Variants in PTPRG observed in about 807,000 individuals in gnomAD.
The protein encoded by PTPRG is receptor-type tyrosine-protein phosphatase gamma.
In PTPRG, 102 loss-of-function variants were observed where a neutral mutation model predicts 165.3. The ratio of observed to expected loss-of-function variants is 0.62; its 90% CI spans 0.53 to 0.73. PTPRG has a LOEUF of 0.73. Ranked by LOEUF, PTPRG falls within the 30% of genes least tolerant of loss-of-function variation. The pLI is 0.00. For missense variants in PTPRG, 1,866 were observed against 1,861.4 expected (o/e 1.00, Z -0.05); for synonymous variants, 675 against 669.5 (o/e 1.01, Z -0.13).
intron 7 of PTPRG, among the ~76,000 whole-genome samples, chr3:62,167,136 G>A (rs1335305839): frequency 6.6e-6 from 1 of 152,238 alleles, no homozygotes; most frequent in African/African-American, 2.4e-5. Flanking sequence ...GGACTTAACT[G>A]TGTGCTAAGC....
intron 2 of PTPRG, among the ~76,000 whole-genome samples, chr3:61,842,297 G>A (rs1236853065): frequency 6.6e-6 from 1 of 152,182 alleles, no homozygotes; most frequent in Non-Finnish European, 1.5e-5. Context: ...CACTTGGAAA[G>A]CTGTAATTTC....
chr3:62,187,209 A>G (rs1336748076), intron 8 of PTPRG, among the ~76,000 whole-genome samples: 1 of 152,248 alleles, frequency 6.6e-6, no homozygotes, highest in Admixed American at 6.5e-5. Flanking sequence ...TCCACGTACT[A>G]GTAAGTGCTG....
intron 4 of PTPRG, among the ~76,000 whole-genome samples, chr3:62,060,021 G>A (rs545203301): frequency 6.6e-6 from 1 of 152,034 alleles, no homozygotes; most frequent in Admixed American, 6.6e-5. Context: ...TTTATTAGCA[G>A]CATGAAGACA....
At chr3:61,926,745 A>G (rs2039223714) in intron 2 of PTPRG, among the ~76,000 whole-genome samples, 1 of 151,900 alleles carries the variant, frequency 6.6e-6, no homozygotes, top group African/African-American at 2.4e-5. Flanking sequence ...GTTTGTAGTG[A>G]TATCTCAGAT....
intron 2 of PTPRG, among the ~76,000 whole-genome samples, chr3:61,863,275 G>A (rs989278732): frequency 1.3e-5 from 2 of 152,204 alleles, no homozygotes; most frequent in Admixed American, 6.5e-5. Flanking sequence ...AGGAGGATCA[G>A]TGTCATCTGC....
At chr3:62,017,474 G>A (rs2041573377) in intron 4 of PTPRG, among the ~76,000 whole-genome samples, 1 of 151,304 alleles carries the variant, frequency 6.6e-6, no homozygotes, top group African/African-American at 2.4e-5. Flanking sequence ...GGAGTGCAGT[G>A]GCGCTGTCTT....
intron 2 of PTPRG, among the ~76,000 whole-genome samples, chr3:61,774,420 T>C (rs1271859625): frequency 6.6e-6 from 1 of 152,198 alleles, no homozygotes; most frequent in East Asian, 1.9e-4. Context: ...GGCTGTCTTA[T>C]ATATACGAAA....
chr3:61,587,789 C>T (rs1300066704), intron 1 of PTPRG, among the ~76,000 whole-genome samples: 2 of 151,956 alleles, frequency 1.3e-5, no homozygotes, highest in African/African-American at 2.4e-5. Flanking sequence ...CTTGAGTAGC[C>T]AGGACTACAG....
intron 4 of PTPRG, among the ~76,000 whole-genome samples, chr3:62,030,843 CT>C (rs1158055473): frequency 2.0e-5 from 3 of 152,176 alleles, no homozygotes; most frequent in African/African-American, 7.2e-5. Context: ...TGATTTGCCT[CT>C]GGAATGGGGC....
intron 1 of PTPRG, among the ~76,000 whole-genome samples, chr3:61,617,919 G>A (rs1479141768): frequency 6.6e-6 from 1 of 152,174 alleles, no homozygotes; most frequent in Non-Finnish European, 1.5e-5. Flanking sequence ...TTAATGTCCT[G>A]TAGGAAAACG....
intron 2 of PTPRG, among the ~76,000 whole-genome samples, chr3:61,949,433 A>G (rs1193666707): frequency 6.6e-6 from 1 of 152,206 alleles, no homozygotes; most frequent in African/African-American, 2.4e-5. Flanking sequence ...GAGGAGAATC[A>G]GGGTCTTGAG....
chr3:61,990,132 A>G (rs2040850245), intron 3 of PTPRG, among the ~76,000 whole-genome samples: 1 of 152,192 alleles, frequency 6.6e-6, no homozygotes, highest in South Asian at 2.1e-4. Flanking sequence ...GCCACTAGCC[A>G]CATGTGACTA....
intron 2 of PTPRG, among the ~76,000 whole-genome samples, chr3:61,982,888 T>G (rs2107681525): frequency 6.6e-6 from 1 of 152,288 alleles, no homozygotes; most frequent in South Asian, 2.1e-4. Context: ...CTATTTCTGG[T>G]GTTATTGTCT....
In PTPRG at chr3:62,160,381, G is replaced by A. The variant is rs549289552; in HGVS notation, c.840+3157G>A. ...GTGTGATAATCTAGATTAAAATACA[G>A]CATTGCTAATGGAACCGCACATTGG... is the stretch of plus-strand genomic sequence containing the variant. On this transcript the variant is annotated intron_variant, in intron 7 of 29. Coordinates refer to ENST00000474889, the MANE Select transcript of PTPRG (RefSeq NM_002841.4). 3.9e-5 allele frequency among the ~76,000 whole-genome samples: 6 copies of A among 152,332 alleles called. No individual in the cohort carries two copies. The East Asian group carries it at 7.7e-4, about 20-fold the overall frequency.
chr3:61,724,239 T>C (rs1188682835), intron 1 of PTPRG, among the ~76,000 whole-genome samples: 2 of 128,834 alleles, frequency 1.6e-5, no homozygotes, highest in Non-Finnish European at 3.2e-5. Flanking sequence ...AAAGTAGTTA[T>C]ATACATAGAA....
intron 2 of PTPRG, among the ~76,000 whole-genome samples, chr3:61,757,919 A>G (rs2033686447): frequency 6.6e-6 from 1 of 152,166 alleles, no homozygotes; most frequent in Non-Finnish European, 1.5e-5. Context: ...TACCTAGCTG[A>G]ATACATGTGT....
At chr3:61,958,136 C>T (rs60278673) in intron 2 of PTPRG, among the ~76,000 whole-genome samples, 17,738 of 150,446 alleles carry the variant, frequency 0.12, 1,298 homozygotes, top group African/African-American at 0.2. Flanking sequence ...TTCTTTTTTC[C>T]TTTTTTTTGA....
At chr3:61,625,436 C>A (rs1701581632) in intron 1 of PTPRG, among the ~76,000 whole-genome samples, 1 of 152,114 alleles carries the variant, frequency 6.6e-6, no homozygotes, top group African/African-American at 2.4e-5. Context: ...TCAACTAAAC[C>A]CAGCTTCTGG....
Position 61,932,581 on chromosome 3 carries a change from C to A in PTPRG, c.191-57044C>A, listed in dbSNP as rs192033085. The stretch of plus-strand genomic sequence containing the variant: ...GGCGCTGTTTTCATGCTTTCATTTG[C>A]ATTATCACAGCAAGTCTTCAAGCTA... On this transcript the variant is annotated intron_variant, in intron 2 of 29. Coordinates refer to ENST00000474889, the MANE Select transcript of PTPRG (RefSeq NM_002841.4). 3.9e-5 allele frequency among the ~76,000 whole-genome samples: 6 copies of A among 152,308 alleles called. No homozygotes were observed. In the East Asian group the frequency reaches 1.2e-3, roughly 29 times the overall value.
Sources: gnomAD v4.1 joint callset for allele counts (sites outside exome capture counted in the v4.1 genomes callset) on GRCh38, gnomAD v4.1.1 for gene constraint, MANE v1.5 for transcripts, NCBI Gene and HGNC (gene_info 2026-07-23, HGNC 2026-07-21) for gene names.